The following SHISAL1 variants were observed in gnomAD, a reference collection of about 807,000 sequenced individuals.
SHISAL1 encodes shisa like 1, also known as protein shisa-like-1.
Under a neutral mutation model 22.6 loss-of-function variants are expected in SHISAL1, and 9 were observed. That is an observed-to-expected ratio of 0.40 (90% confidence interval 0.24 to 0.70). The LOEUF is 0.70. SHISAL1 is among the 30% of genes least tolerant of loss of function. SHISAL1 has a pLI of 0.39. For synonymous variants in SHISAL1, 119 were observed against 115.4 expected, an observed-to-expected ratio of 1.03 and a Z score of -0.20; for missense variants, 246 against 270.6, an observed-to-expected ratio of 0.91 and a Z score of 0.64.
chr22:44,244,388 G>A lies in SHISAL1; in HGVS notation c.*5297C>T, dbSNP rs113312356. 6.6e-6 allele frequency: 1 copy of A among 152,176 alleles called. No homozygotes were observed. Among genetic ancestry groups the A allele is most frequent in the Non-Finnish European group, 1.5e-5 (1 of 68,060 alleles). 9.4% of individuals were successfully genotyped at this position (152,176 alleles called of 1,614,324 possible). ...CCTGGGAGCCCATTACCATTTATGG[G>A]ACAGTGTCGTGAATGGTGCCTCCTG... is the stretch of plus-strand genomic sequence containing the variant. On this transcript the variant is annotated 3_prime_UTR_variant, in exon 5 of 5. Coordinates refer to ENST00000381176, the MANE Select transcript of SHISAL1 (RefSeq NM_001099294.2).
intron 4 of SHISAL1, among the ~76,000 whole-genome samples, chr22:44,255,050 C>G (rs1381176677): frequency 6.6e-6 from 1 of 152,120 alleles, no homozygotes; most frequent in African/African-American, 2.4e-5. Context: ...CTCTCCTGAT[C>G]CTCCTCCTCC....
chr22:44,288,602 C>G (rs2055332425), intron 3 of SHISAL1, among the ~76,000 whole-genome samples: 1 of 152,238 alleles, frequency 6.6e-6, no homozygotes, highest in Non-Finnish European at 1.5e-5. Flanking sequence ...GATTGCGCCA[C>G]TGCACCCCAG....
chr22:44,264,955 A>C (rs1354645813), intron 4 of SHISAL1, among the ~76,000 whole-genome samples: 1 of 151,984 alleles, frequency 6.6e-6, no homozygotes, highest in Non-Finnish European at 1.5e-5. Context: ...TCCCCAACAC[A>C]CACCAGAGCC....
intron 4 of SHISAL1, 117 bp from the exon 5 acceptor site, chr22:44,249,802 C>G: frequency 1.4e-6 from 1 of 720,222 alleles, no homozygotes; most frequent in Non-Finnish European, 2.6e-6. Flanking sequence ...GTTTTGTCTT[C>G]TGAACATTGC....
Position 44,246,591 on chromosome 22 carries a change from A to ATCACAATG in SHISAL1, c.*3086_*3093dup, listed in dbSNP as rs1379720017. The ATCACAATG allele has an allele frequency of 1.3e-5, 2 of 152,384 alleles. No homozygotes were observed. Among genetic ancestry groups the ATCACAATG allele is most frequent in the African/African-American group, 4.8e-5 (2 of 41,422 alleles). 9.4% of individuals were successfully genotyped at this position (152,384 alleles called of 1,614,324 possible). ...CCACAGCAGGATGGGGACAGTGTTTATCACAATGACCTGGGGACCCATGGC... is the reference window on the plus strand; with the variant it reads ...CCACAGCAGGATGGGGACAGTGTTTATCACAATGTCACAATGACCTGGGGACCCATGGC... On this transcript the variant is annotated 3_prime_UTR_variant, in exon 5 of 5. Coordinates refer to ENST00000381176, the MANE Select transcript of SHISAL1 (RefSeq NM_001099294.2).
At position 44,300,972 on chromosome 22, in the gene SHISAL1, A is replaced by G. The variant is rs2055424626; in HGVS notation, c.-27T>C. The G allele has an allele frequency of 3.1e-6, 5 of 1,610,374 alleles. No individual in the cohort carries two copies. In the South Asian group the frequency reaches 4.4e-5, roughly 14 times the overall value. On this transcript the variant is annotated 5_prime_UTR_variant, in exon 2 of 5. Transcript: ENST00000381176. ...GTCTGGCTTGCATTGATCCGTCCAG[A>G]GCTGCCTGTTCAATGAGAGCCACGA... is the stretch of plus-strand genomic sequence containing the variant.
intron 3 of SHISAL1, among the ~76,000 whole-genome samples, chr22:44,291,747 C>T (rs557577918): frequency 6.6e-6 from 1 of 152,196 alleles, no homozygotes; most frequent in East Asian, 1.9e-4. Context: ...CCACTCCCAG[C>T]CACCTCCTCC....
intron 4 of SHISAL1, among the ~76,000 whole-genome samples, chr22:44,278,618 G>A (rs976379316): frequency 2.0e-5 from 3 of 152,182 alleles, no homozygotes; most frequent in Non-Finnish European, 2.9e-5. Flanking sequence ...GCCTCTCCAC[G>A]CATCTTAATG....
chr22:44,271,609 G>C (rs1406090550), intron 4 of SHISAL1, among the ~76,000 whole-genome samples: 1 of 152,228 alleles, frequency 6.6e-6, no homozygotes, highest in Non-Finnish European at 1.5e-5. Flanking sequence ...AATAGCAGGG[G>C]AAATAAAGTA....
intron 4 of SHISAL1, among the ~76,000 whole-genome samples, chr22:44,271,618 T>C (rs946929474): frequency 2.0e-5 from 3 of 152,200 alleles, no homozygotes; most frequent in Non-Finnish European, 1.5e-5. Flanking sequence ...GGAAATAAAG[T>C]AGAATCCATG....
intron 3 of SHISAL1, among the ~76,000 whole-genome samples, chr22:44,292,908 T>A (rs905526627): frequency 5.3e-5 from 8 of 152,234 alleles, no homozygotes; most frequent in Admixed American, 5.2e-4. Flanking sequence ...CTGCAGACAC[T>A]CTAGGTCCTC....
chr22:44,316,122 A>G (rs944236314), upstream of SHISAL1, among the ~76,000 whole-genome samples: 1 of 152,184 alleles, frequency 6.6e-6, no homozygotes, highest in Non-Finnish European at 1.5e-5. Context: ...GGTTACAAAT[A>G]GCAGGCCCCC....
In SHISAL1 at chr22:44,296,818, G is replaced by A. The variant is rs781281806; in HGVS notation, c.135C>T (p.Phe45=). The change falls in exon 3 of 5, where the codon TTC becomes TTT. Residue 45 remains phenylalanine (F), a synonymous_variant. Coordinates refer to ENST00000381176, the MANE Select transcript of SHISAL1 (RefSeq NM_001099294.2). ...TGTTGTCCGAGAGCCGGGGGCAGTG[G>A]AAGCCAAAGTGGTAGCGGCCTTTGT... The part of the protein sequence containing the change: ...TDHKGRYHFG[F]HCPRLSDNKT... 4.3e-6 allele frequency: 7 copies of A among 1,613,850 alleles called. No homozygotes were observed. The highest frequency in any genetic ancestry group is 5.9e-6 in the Non-Finnish European group (7 of 1,180,042).
rs2055018580 is a variant in SHISAL1 at position 44,248,111 on chromosome 22, G to A, written c.*1574C>T. On this transcript the variant is annotated 3_prime_UTR_variant, in exon 5 of 5. Coordinates refer to ENST00000381176, the MANE Select transcript of SHISAL1 (RefSeq NM_001099294.2). Reference sequence around the variant, plus strand: ...CTCACTCACGTGTCCCTCGAACTGAGTTCCTGGCACTGAGTTCCCGGCAGA... The same window carrying A: ...CTCACTCACGTGTCCCTCGAACTGAATTCCTGGCACTGAGTTCCCGGCAGA... 6.6e-6 allele frequency: 1 copy of A among 150,436 alleles called. No individual in the cohort carries two copies. The highest frequency in any genetic ancestry group is 2.5e-5 in the African/African-American group (1 of 39,764). 9.3% of individuals were successfully genotyped at this position (150,436 alleles called of 1,614,324 possible). A position where few individuals can be genotyped will look rare whatever the true frequency, so the allele number is the denominator to read the frequency against.
the SHISAL1 span, among the ~76,000 whole-genome samples, chr22:44,327,217 G>C: frequency 6.7e-6 from 1 of 150,092 alleles, no homozygotes. Context: ...ACCCCCTTGA[G>C]GGCTGTGGAG....
At position 44,274,702 on chromosome 22, in the gene SHISAL1, A is replaced by C. The variant is rs2055227790; in HGVS notation, c.599+10726T>G. Among the ~76,000 whole-genome samples, 2 of 152,226 alleles carry C rather than the reference A, an allele frequency of 1.3e-5. 1 individual carries two copies. The highest frequency in any genetic ancestry group is 4.1e-4 in the South Asian group (2 of 4,826). On this transcript the variant is annotated intron_variant, in intron 4 of 4. Transcript: ENST00000381176. ...GATTCAATAGGAGAACAAAATCAGA[A>C]GGCACATCATCATTAGAGACACACA...
At chr22:44,308,605 C>CT (rs763255234) in intron 1 of SHISAL1, among the ~76,000 whole-genome samples, 18 of 152,064 alleles carry the variant, frequency 1.2e-4, no homozygotes, top group Non-Finnish European at 2.1e-4. Context: ...TTCTGACACT[C>CT]TGACTTCCCC....
At chr22:44,302,296 C>T (rs536155017) in intron 1 of SHISAL1, among the ~76,000 whole-genome samples, 15 of 145,022 alleles carry the variant, frequency 1.0e-4, no homozygotes, top group Middle Eastern at 3.5e-3. Flanking sequence ...GCTGAGATCA[C>T]GCCATTGCAC....
upstream of SHISAL1, among the ~76,000 whole-genome samples, chr22:44,314,559 G>A (rs1358937257): frequency 6.6e-6 from 1 of 152,224 alleles, no homozygotes; most frequent in Non-Finnish European, 1.5e-5. Flanking sequence ...GAGGTTGGAA[G>A]CACAACAAAG....
Sources: gnomAD v4.1 joint callset for allele counts (sites outside exome capture counted in the v4.1 genomes callset) on GRCh38, gnomAD v4.1.1 for gene constraint, MANE v1.5 for transcripts, NCBI Gene and HGNC (gene_info 2026-07-23, HGNC 2026-07-21) for gene names.